FAM163A: variants seen among roughly 807,000 people sequenced by gnomAD.
The protein encoded by FAM163A is family with sequence similarity 163 member A.
A neutral mutation model predicts 12.0 loss-of-function variants in FAM163A; 7 were observed. That is an observed-to-expected ratio of 0.58 (90% confidence interval 0.33 to 1.10). The LOEUF is 1.10. Among genes scored for constraint, FAM163A ranks in the 50% least tolerant of loss-of-function variants. The probability of loss-of-function intolerance (pLI) is 0.03; values close to 1 mark genes in which losing one functional copy is unlikely to be tolerated. For synonymous variants in FAM163A, 101 were observed against 91.0 expected (o/e 1.11, Z -0.62); for missense variants, 202 against 218.6 (o/e 0.92, Z 0.48).
chr1:179,749,260 C>G (rs1684930103), intron 1 of FAM163A, among the ~76,000 whole-genome samples: 1 of 152,198 alleles, frequency 6.6e-6, no homozygotes, highest in Non-Finnish European at 1.5e-5. Context: ...AGCATGGTCT[C>G]TATACTCCCC....
chr1:179,803,613 G>C (rs942065258), intron 1 of FAM163A, among the ~76,000 whole-genome samples: 4 of 152,010 alleles, frequency 2.6e-5, no homozygotes, highest in African/African-American at 7.2e-5. Context: ...TTGTTGCCCA[G>C]GCTGGAGTGC....
the FAM163A span, among the ~76,000 whole-genome samples, chr1:179,733,297 T>C: frequency 6.6e-6 from 1 of 152,176 alleles, no homozygotes; most frequent in Admixed American, 6.5e-5. Flanking sequence ...GTTCAAGCTG[T>C]TAATCATTTT....
chr1:179,744,800 A>G (rs1169112700), intron 1 of FAM163A, among the ~76,000 whole-genome samples: 1 of 152,156 alleles, frequency 6.6e-6, no homozygotes, highest in Non-Finnish European at 1.5e-5. Context: ...GGCAGGACCG[A>G]CGTCTGCGCA....
chr1:179,740,383 G>GCATA (rs1313202689), upstream of FAM163A, among the ~76,000 whole-genome samples: 2 of 151,962 alleles, frequency 1.3e-5, no homozygotes, highest in Non-Finnish European at 2.9e-5. Context: ...GTCTCACTAT[G>GCATA]TTGCCTAGCC....
Position 179,814,275 on chromosome 1 carries a change from A to G in FAM163A, c.*86A>G, listed in dbSNP as rs560770485. ...TGATGAATGACCCTCCAACAGCCCC[A>G]CATGGGTTGTTTCTGTTTCTTTGGC... On this transcript the variant is annotated 3_prime_UTR_variant, in exon 5 of 5. Coordinates refer to ENST00000341785, the MANE Select transcript of FAM163A (RefSeq NM_173509.3). 2.7e-6 allele frequency: 4 copies of G among 1,471,308 alleles called. No individual in the cohort carries two copies. In the African/African-American group the frequency reaches 5.6e-5, roughly 21 times the overall value. 91.1% of individuals were successfully genotyped at this position (1,471,308 alleles called of 1,614,324 possible).
At chr1:179,783,705 C>G (rs552109805) in intron 1 of FAM163A, among the ~76,000 whole-genome samples, 1 of 111,324 alleles carries the variant, frequency 9.0e-6, no homozygotes, top group Non-Finnish European at 2.0e-5. Context: ...ACACTTGGCA[C>G]TTTTTTATAC....
At position 179,815,107 on chromosome 1, in the gene FAM163A, GCGCACAGA is replaced by G. The variant is rs1395301558; in HGVS notation, c.*920_*927del. ...CCCAGGTGTACGCACGCGCGCGCGC[GCGCACAGA>G]CACACACACACACACACACACACAC... On this transcript the variant is annotated 3_prime_UTR_variant, in exon 5 of 5. Transcript: ENST00000341785. 2.4e-3 allele frequency: 156 copies of G among 64,918 alleles called. No individual in the cohort carries two copies. The highest frequency in any genetic ancestry group is 5.8e-3 in the African/African-American group (76 of 13,036). 4.0% of individuals were successfully genotyped at this position (64,918 alleles called of 1,614,324 possible). A position where few individuals can be genotyped will look rare whatever the true frequency, so the allele number is the denominator to read the frequency against.
chr1:179,749,845 T>C (rs1487900880), intron 1 of FAM163A, among the ~76,000 whole-genome samples: 1 of 148,688 alleles, frequency 6.7e-6, no homozygotes, highest in Non-Finnish European at 1.5e-5. Flanking sequence ...GGCAACAGAG[T>C]GAAACTCTGT....
chr1:179,802,880 T>G (rs145006609), intron 1 of FAM163A, among the ~76,000 whole-genome samples: 1 of 152,166 alleles, frequency 6.6e-6, no homozygotes, highest in Non-Finnish European at 1.5e-5. Context: ...TACTGTTATA[T>G]TGGGGTTCTT....
intron 1 of FAM163A, among the ~76,000 whole-genome samples, chr1:179,766,562 A>T (rs906628443): frequency 2.0e-5 from 3 of 152,192 alleles, no homozygotes; most frequent in African/African-American, 4.8e-5. Flanking sequence ...AGGCTCCCAG[A>T]TACACATGTT....
chr1:179,802,972 C>T (rs1693395836), intron 1 of FAM163A, among the ~76,000 whole-genome samples: 1 of 152,054 alleles, frequency 6.6e-6, no homozygotes, highest in Non-Finnish European at 1.5e-5. Flanking sequence ...CTCTTTGCTG[C>T]TGTAGTTACC....
chr1:179,761,439 G>A (rs1033894789), intron 1 of FAM163A, among the ~76,000 whole-genome samples: 5 of 152,204 alleles, frequency 3.3e-5, no homozygotes, highest in Admixed American at 2.0e-4. Context: ...AGGACTGCAA[G>A]CGAGACTAAT....
chr1:179,772,732 G>A (rs1688444386), intron 1 of FAM163A, among the ~76,000 whole-genome samples: 2 of 152,032 alleles, frequency 1.3e-5, no homozygotes, highest in Admixed American at 1.3e-4. Flanking sequence ...GTTTGGCCAT[G>A]GACAGTGCAG....
chr1:179,754,389 C>T (rs950163115), intron 1 of FAM163A, among the ~76,000 whole-genome samples: 5 of 152,026 alleles, frequency 3.3e-5, no homozygotes, highest in African/African-American at 9.7e-5. Flanking sequence ...GGCCTGCACC[C>T]GGGACTGAGA....
At chr1:179,791,090 G>A (rs1454788283) in intron 1 of FAM163A, among the ~76,000 whole-genome samples, 1 of 152,148 alleles carries the variant, frequency 6.6e-6, no homozygotes, top group Admixed American at 6.5e-5. Flanking sequence ...TCCAGCCTAG[G>A]TGTCTTTGTC....
intron 1 of FAM163A, among the ~76,000 whole-genome samples, chr1:179,805,450 G>A (rs973291571): frequency 6.6e-5 from 10 of 151,928 alleles, no homozygotes; most frequent in Admixed American, 1.3e-4. Flanking sequence ...AGCATTAATC[G>A]CTTTAACCTG....
chr1:179,814,815 A>G lies in FAM163A; in HGVS notation c.*626A>G, dbSNP rs1180198338. The G allele has an allele frequency of 6.6e-6, 1 of 152,026 alleles. No homozygotes were observed. Among genetic ancestry groups the G allele is most frequent in the African/African-American group, 2.4e-5 (1 of 41,272 alleles). 9.4% of individuals were successfully genotyped at this position (152,026 alleles called of 1,614,324 possible). A position where few individuals can be genotyped will look rare whatever the true frequency, so the allele number is the denominator to read the frequency against. On this transcript the variant is annotated 3_prime_UTR_variant, in exon 5 of 5. Transcript: ENST00000341785. ...TTGATTCCTGAACGTATCACATCTC[A>G]CCTGCCCCCTTCCTCGTGGGACGTG...
chr1:179,739,650 C>T (rs1259148505), upstream of FAM163A, among the ~76,000 whole-genome samples: 2 of 152,094 alleles, frequency 1.3e-5, no homozygotes, highest in Non-Finnish European at 2.9e-5. Context: ...AGACTGGACA[C>T]CCCTTATCTA....
intron 1 of FAM163A, among the ~76,000 whole-genome samples, chr1:179,785,888 TC>T (rs1690548233): frequency 6.6e-6 from 1 of 152,238 alleles, no homozygotes; most frequent in South Asian, 2.1e-4. Flanking sequence ...GGAATTTGAT[TC>T]CTTACAGATT....
Sources: allele counts gnomAD v4.1 joint callset (sites outside exome capture counted in the v4.1 genomes callset), GRCh38; gene constraint gnomAD v4.1.1; transcripts MANE v1.5; gene names NCBI Gene and HGNC (gene_info 2026-07-23, HGNC 2026-07-21).